The following GRID1 variants were observed in gnomAD, a reference collection of about 807,000 sequenced individuals.
GRID1 encodes the protein glutamate receptor ionotropic, delta-1.
Under a neutral mutation model 98.0 loss-of-function variants are expected in GRID1, and 28 were observed. The ratio of observed to expected loss-of-function variants is 0.29; its 90% CI spans 0.21 to 0.39. GRID1 has a LOEUF of 0.39. Among genes scored for constraint, GRID1 ranks in the 10% least tolerant of loss-of-function variants. The pLI is 1.00. For missense variants in GRID1, 1,111 were observed against 1,340.5 expected, an observed-to-expected ratio of 0.83 and a Z score of 2.67; for synonymous variants, 553 against 538.5, an observed-to-expected ratio of 1.03 and a Z score of -0.37.
At position 85,916,135 on chromosome 10, in the gene GRID1, G is replaced by T. The variant is rs1164213628; in HGVS notation, c.780+51C>A. Reference sequence around the variant, plus strand: ...AAAGAATCACACTGAGCTTTACAAGGGGCTAGGGGCTCAGTCCAGGCCGTG... The same window carrying T: ...AAAGAATCACACTGAGCTTTACAAGTGGCTAGGGGCTCAGTCCAGGCCGTG... On this transcript the variant is annotated intron_variant, in intron 5 of 15. Coordinates refer to ENST00000327946, the MANE Select transcript of GRID1 (RefSeq NM_017551.3). The surrounding 1 kb of genome is among the most constrained non-coding windows in gnomAD (Gnocchi z 4.0). The T allele has an allele frequency of 7.5e-7, 1 of 1,326,184 alleles. No individual in the cohort carries two copies. The allele number at this position is 1,326,184 out of a possible 1,614,324, so 82.2% of individuals were successfully genotyped here. A position where few individuals can be genotyped will look rare whatever the true frequency, so the allele number is the denominator to read the frequency against.
rs147410642 is a variant in GRID1 at position 86,232,409 on chromosome 10, A to C, written c.236-25761T>G. Among the ~76,000 whole-genome samples the C allele has an allele frequency of 1.1e-3, 172 of 152,336 alleles. 1 individual carries two copies. Among genetic ancestry groups the C allele is most frequent in the South Asian group, 7.7e-3 (37 of 4,822 alleles). On this transcript the variant is annotated intron_variant, in intron 2 of 15. Coordinates refer to ENST00000327946, the MANE Select transcript of GRID1 (RefSeq NM_017551.3). ...GGGGACAGACTTGATGCAAAGACTCAGTGAGGTTTCACAAGCCCAAGACTG... is the reference window on the plus strand; with the variant it reads ...GGGGACAGACTTGATGCAAAGACTCCGTGAGGTTTCACAAGCCCAAGACTG...
chr10:86,015,684 G>A (rs927351123), intron 4 of GRID1, among the ~76,000 whole-genome samples: 7 of 152,162 alleles, frequency 4.6e-5, no homozygotes, highest in African/African-American at 1.7e-4. Flanking sequence ...CTTGGTTGCT[G>A]CTCATTTTCT....
intron 13 of GRID1, chr10:85,646,137 T>TGTGG (rs1209257442): frequency 1.3e-5 from 2 of 153,224 alleles, no homozygotes; most frequent in African/African-American, 4.9e-5. Flanking sequence ...TGTGTGTGTG[T>TGTGG]GGCAAGGTGT....
intron 4 of GRID1, among the ~76,000 whole-genome samples, chr10:85,955,423 G>T (rs536063068): frequency 6.6e-6 from 1 of 152,184 alleles, no homozygotes; most frequent in Non-Finnish European, 1.5e-5. Context: ...TCCTCTGGGA[G>T]TAAAATGGGT....
At chr10:86,161,397 G>T (rs1405794527) in intron 3 of GRID1, among the ~76,000 whole-genome samples, 1 of 152,136 alleles carries the variant, frequency 6.6e-6, no homozygotes, top group African/African-American at 2.4e-5. Flanking sequence ...GCTGCGGGAA[G>T]GGAACAGCAT....
At position 85,727,923 on chromosome 10, in the gene GRID1, C is replaced by G. The variant is rs267602599; in HGVS notation, c.1465G>C (p.Asp489His). Residue 489 changes from aspartate to histidine, a missense_variant, in exon 10 of 16, where the codon GAT becomes CAT. Physicochemically the swap from Asp to His is moderately conservative, Grantham distance 81. Coordinates refer to ENST00000327946, the MANE Select transcript of GRID1 (RefSeq NM_017551.3). The part of the protein sequence containing the change: ...GFKYEIYQAP[D>H]GRYGHQLHNT... ...TGGAGCTGGTGACCGTACCTGCCAT[C>G]AGGGGCTTGGTAAATCTCATATTTA... 1.9e-5 allele frequency: 30 copies of G among 1,613,942 alleles called. No homozygotes were observed. In the Admixed American group the frequency reaches 4.8e-4, roughly 26 times the overall value.
chr10:86,359,457 G>A (rs1164885902), intron 2 of GRID1, among the ~76,000 whole-genome samples: 1 of 152,190 alleles, frequency 6.6e-6, no homozygotes, highest in Non-Finnish European at 1.5e-5. Context: ...CTCCAGATGG[G>A]CACCAACAAG....
At chr10:86,167,020 AC>A (rs1217747321) in intron 3 of GRID1, among the ~76,000 whole-genome samples, 1 of 151,956 alleles carries the variant, frequency 6.6e-6, no homozygotes, top group Non-Finnish European at 1.5e-5. Flanking sequence ...AATGGGGAGC[AC>A]CCCCCACCCA....
intron 8 of GRID1, among the ~76,000 whole-genome samples, chr10:85,737,655 T>TATAG (rs1194356490): frequency 2.3e-5 from 3 of 131,102 alleles, no homozygotes; most frequent in Non-Finnish European, 4.9e-5. Context: ...GATATATATA[T>TATAG]ATATATATAT....
chr10:85,964,324 C>T (rs957378760), intron 4 of GRID1, among the ~76,000 whole-genome samples: 3 of 152,028 alleles, frequency 2.0e-5, no homozygotes, highest in Non-Finnish European at 4.4e-5. Context: ...AAAGAGACCA[C>T]AGAGCCAAGA....
In GRID1 at chr10:86,366,277, C is replaced by T. The variant is rs1315511423; in HGVS notation, c.79+37G>A. On this transcript the variant is annotated intron_variant, in intron 1 of 15. Transcript: ENST00000327946. This position sits in a 1 kb window ranked among gnomAD's most constrained non-coding sequence, Gnocchi z 4.1. ...GCGCACCCCCTGCCCCGTTGGGGCC[C>T]CCGCCCAGCCTCGGCCCGGCCTCCA... 3 of 1,439,014 alleles carry T rather than the reference C, an allele frequency of 2.1e-6. No individual in the cohort carries two copies. In the South Asian group the frequency reaches 3.8e-5, roughly 18 times the overall value. The allele number at this position is 1,439,014 out of a possible 1,614,324, so 89.1% of individuals were successfully genotyped here. A position where few individuals can be genotyped will look rare whatever the true frequency, so the allele number is the denominator to read the frequency against.
At chr10:85,947,657 A>G (rs1182798551) in intron 4 of GRID1, among the ~76,000 whole-genome samples, 1 of 152,240 alleles carries the variant, frequency 6.6e-6, no homozygotes, top group African/African-American at 2.4e-5. Context: ...TCAACTTCAC[A>G]GAATTTTCTA....
chr10:85,702,304 T>C (rs568413628), intron 12 of GRID1, among the ~76,000 whole-genome samples: 34 of 151,948 alleles, frequency 2.2e-4, no homozygotes, highest in Non-Finnish European at 4.4e-4. Context: ...GTCATTAATA[T>C]TGCTAAAAGG....
chr10:86,346,229 G>T (rs530574364), intron 2 of GRID1, among the ~76,000 whole-genome samples: 2 of 152,214 alleles, frequency 1.3e-5, no homozygotes, highest in Non-Finnish European at 2.9e-5. Flanking sequence ...CACCGTCTCC[G>T]CCCCAGCCCA....
rs1444280795 is a variant in GRID1 at position 86,154,644 on chromosome 10, C to G, written c.521-15620G>C. On this transcript the variant is annotated intron_variant, in intron 3 of 15. Transcript: ENST00000327946. The stretch of plus-strand genomic sequence containing the variant: ...AAGCATGGAGCCTGGCATGCAATAG[C>G]AGCTCAGAAAAGTCACATGGAAAAA... Among the ~76,000 whole-genome samples the G allele has an allele frequency of 2.6e-5, 4 of 152,212 alleles. No individual in the cohort carries two copies. In the East Asian group the frequency reaches 7.7e-4, roughly 29 times the overall value.
chr10:86,303,771 C>G (rs1847721970), intron 2 of GRID1, among the ~76,000 whole-genome samples: 1 of 152,222 alleles, frequency 6.6e-6, no homozygotes, highest in Non-Finnish European at 1.5e-5. Context: ...GAAGCCTCAC[C>G]TGAATCTCTT....
chr10:86,200,582 T>C (rs1043763060), intron 3 of GRID1, among the ~76,000 whole-genome samples: 2 of 152,128 alleles, frequency 1.3e-5, no homozygotes, highest in Non-Finnish European at 2.9e-5. Flanking sequence ...AATTTCTTTC[T>C]GACATTCAGG....
At chr10:86,326,161 G>A (rs1185790313) in intron 2 of GRID1, among the ~76,000 whole-genome samples, 1 of 152,094 alleles carries the variant, frequency 6.6e-6, no homozygotes, top group African/African-American at 2.4e-5. Flanking sequence ...AATCCCTGGG[G>A]ATAAACCTAG....
chr10:86,336,600 T>C (rs1404790344), intron 2 of GRID1, among the ~76,000 whole-genome samples: 10 of 152,218 alleles, frequency 6.6e-5, no homozygotes, highest in Admixed American at 5.9e-4. Flanking sequence ...TCTGGGTGCC[T>C]GGAACCCCGT....
Sources: allele counts gnomAD v4.1 joint callset (sites outside exome capture counted in the v4.1 genomes callset), GRCh38; gene constraint gnomAD v4.1.1; non-coding constraint Gnocchi (gnomAD v3.1); transcripts MANE v1.5; gene names NCBI Gene and HGNC (gene_info 2026-07-23, HGNC 2026-07-21).